SLC26A5: variants seen among roughly 807,000 people sequenced by gnomAD.
SLC26A5 encodes the protein prestin.
In SLC26A5, 51 loss-of-function variants were observed where a neutral mutation model predicts 81.0. That is an observed-to-expected ratio of 0.63 (90% confidence interval 0.50 to 0.80). SLC26A5 has a LOEUF of 0.80. SLC26A5 is among the 30% of genes least tolerant of loss of function. SLC26A5 has a pLI of 0.00. For synonymous variants in SLC26A5, 325 were observed against 332.8 expected (o/e 0.98, Z 0.25); for missense variants, 771 against 905.8 (o/e 0.85, Z 1.91).
chr7:103,389,793 A>C (rs935437030), intron 12 of SLC26A5, among the ~76,000 whole-genome samples: 1 of 151,952 alleles, frequency 6.6e-6, no homozygotes, highest in African/African-American at 2.4e-5. Flanking sequence ...ACACTCAGTT[A>C]ATTTTTGTAT....
chr7:103,371,020 G>A (rs534816811), downstream of SLC26A5, among the ~76,000 whole-genome samples: 1 of 152,320 alleles, frequency 6.6e-6, no homozygotes, highest in East Asian at 1.9e-4. Context: ...GGCCCAGAAA[G>A]AACAGGTGGG....
At chr7:103,422,427 TGTAAGGCACA>T (rs1405518837) in intron 2 of SLC26A5, among the ~76,000 whole-genome samples, 2 of 152,180 alleles carry the variant, frequency 1.3e-5, no homozygotes, top group Non-Finnish European at 2.9e-5. Flanking sequence ...TCAACAAAAA[TGTAAGGCACA>T]GTTGAATACT....
chr7:103,390,722 T>C (rs1283610442), intron 11 of SLC26A5, among the ~76,000 whole-genome samples: 1 of 152,156 alleles, frequency 6.6e-6, no homozygotes, highest in Non-Finnish European at 1.5e-5. Flanking sequence ...GCTGAAATGT[T>C]GTAATATCCT....
chr7:103,358,717 A>G (rs988130432), intron 19 of SLC26A5, among the ~76,000 whole-genome samples: 4 of 151,846 alleles, frequency 2.6e-5, no homozygotes, highest in Non-Finnish European at 5.9e-5. Flanking sequence ...ATATGTTCTT[A>G]TCTCTCTATG....
chr7:103,364,958 C>CATATATATATATATATAT lies in SLC26A5; in HGVS notation c.2041+11832_2041+11849dup, dbSNP rs59914167. On this transcript the variant is annotated intron_variant, in intron 19 of 19. Coordinates refer to the SLC26A5 transcript ENST00000339444. ...GGTTGTTTTTATGTTTGTAGACATA[C>CATATATATATATATATAT]ATATATATATATATATATATATATA... Among the ~76,000 whole-genome samples, 1,232 of 125,290 alleles carry CATATATATATATATATAT rather than the reference C, an allele frequency of 9.8e-3. 13 individuals are homozygous for CATATATATATATATATAT. The highest frequency in any genetic ancestry group is 0.016 in the South Asian group (62 of 3,898). 82.2% of individuals were successfully genotyped at this position (125,290 alleles called of 152,430 possible).
intron 2 of SLC26A5, among the ~76,000 whole-genome samples, chr7:103,431,281 C>G (rs1373050942): frequency 6.6e-6 from 1 of 151,976 alleles, no homozygotes; most frequent in African/African-American, 2.4e-5. Flanking sequence ...CCATTCTCCC[C>G]AACTTTAGTT....
intron 19 of SLC26A5, among the ~76,000 whole-genome samples, chr7:103,375,083 TACAC>T (rs983772501): frequency 5.5e-5 from 8 of 146,150 alleles, no homozygotes; most frequent in African/African-American, 1.7e-4. Context: ...AATATATATA[TACAC>T]ACACATATAT....
chr7:103,378,424 T>C lies in SLC26A5; in HGVS notation c.1785+22A>G, dbSNP rs747651080. ...TTGCAGAACAAGACAGAACGGATTA[T>C]TTCAATGAAAAGACCACTCACTGCT... is the stretch of plus-strand genomic sequence containing the variant. On this transcript the variant is annotated intron_variant, in intron 17 of 19. Coordinates refer to ENST00000306312, the MANE Select transcript of SLC26A5 (RefSeq NM_198999.3). 2.5e-6 allele frequency: 4 copies of C among 1,605,488 alleles called. No homozygotes were observed. The African/African-American group carries it at 5.3e-5, about 21-fold the overall frequency.
At chr7:103,394,327 T>G (rs1263073311) in intron 9 of SLC26A5, among the ~76,000 whole-genome samples, 1 of 152,190 alleles carries the variant, frequency 6.6e-6, no homozygotes, top group African/African-American at 2.4e-5. Flanking sequence ...AAAAATGGAT[T>G]TTGACAGATG....
chr7:103,392,827 T>C, intron 10 of SLC26A5, 92 bp downstream of exon 10: 1 of 1,522,600 alleles, frequency 6.6e-7, no homozygotes. Flanking sequence ...TCCGCCTGCC[T>C]TGGCCTCCCG....
chr7:103,395,522 AATTTTTTT>A (rs1823034745), intron 9 of SLC26A5, among the ~76,000 whole-genome samples: 1 of 96,810 alleles, frequency 1.0e-5, no homozygotes, highest in Non-Finnish European at 2.1e-5. Flanking sequence ...TATATATATA[AATTTTTTT>A]TTTTTTTTTT....
At chr7:103,394,224 G>C (rs1171337727) in intron 9 of SLC26A5, among the ~76,000 whole-genome samples, 1 of 152,208 alleles carries the variant, frequency 6.6e-6, no homozygotes, top group African/African-American at 2.4e-5. Flanking sequence ...GTTAAGGTGA[G>C]TTTACCTGCT....
At chr7:103,435,962 C>A (rs937271966) in intron 2 of SLC26A5, among the ~76,000 whole-genome samples, 17 of 151,970 alleles carry the variant, frequency 1.1e-4, no homozygotes, top group Non-Finnish European at 2.9e-5. Context: ...ATTTTGTAAA[C>A]TGGGCATTTG....
Position 103,388,444 on chromosome 7 carries a change from GC to G in SLC26A5, c.1514+563del, listed in dbSNP as rs539140678. ...TCAAACTCCTGACCTCAAGTGTTCC[GC>G]CTGCCTTGGCCTCTGAAAGTGCTGG... On this transcript the variant is annotated intron_variant, in intron 14 of 19. Coordinates refer to ENST00000306312, the MANE Select transcript of SLC26A5 (RefSeq NM_198999.3). 1.1e-4 allele frequency: 19 copies of G among 170,548 alleles called. No homozygotes were observed. The South Asian group carries it at 2.7e-3, about 25-fold the overall frequency. The allele number at this position is 170,548 out of a possible 1,614,324, so 10.6% of individuals were successfully genotyped here. A position where few individuals can be genotyped will look rare whatever the true frequency, so the allele number is the denominator to read the frequency against.
At chr7:103,353,938 A>G in intron 19 of SLC26A5, 1 of 1,603,342 alleles carries the variant, frequency 6.2e-7, no homozygotes, top group Non-Finnish European at 8.5e-7. Context: ...TGAGGGGGAT[A>G]TTGCCTTGTT....
At chr7:103,418,516 C>A (rs1825097724) in intron 4 of SLC26A5, among the ~76,000 whole-genome samples, 1 of 152,100 alleles carries the variant, frequency 6.6e-6, no homozygotes, top group South Asian at 2.1e-4. Flanking sequence ...CTTGCCCCTG[C>A]CTTTGAATCT....
chr7:103,403,066 C>T (rs1013172828), intron 8 of SLC26A5, among the ~76,000 whole-genome samples: 8 of 152,060 alleles, frequency 5.3e-5, no homozygotes, highest in East Asian at 3.8e-4. Flanking sequence ...AGATTCTGGT[C>T]GTTGTGTCTT....
chr7:103,427,786 C>T (rs960085651), intron 2 of SLC26A5, among the ~76,000 whole-genome samples: 1 of 151,818 alleles, frequency 6.6e-6, no homozygotes, highest in Non-Finnish European at 1.5e-5. Flanking sequence ...GTTTTCTATG[C>T]CTTGCTGGCA....
intron 2 of SLC26A5, among the ~76,000 whole-genome samples, chr7:103,432,350 T>C (rs1478905568): frequency 2.0e-5 from 3 of 152,256 alleles, no homozygotes; most frequent in Admixed American, 1.3e-4. Flanking sequence ...GAATTTCTAT[T>C]TGACATTTGT....
Sources: gnomAD v4.1 joint callset for allele counts (sites outside exome capture counted in the v4.1 genomes callset) on GRCh38, gnomAD v4.1.1 for gene constraint, MANE v1.5 for transcripts, NCBI Gene and HGNC (gene_info 2026-07-23, HGNC 2026-07-21) for gene names.